The following CLDN19 variants were observed in gnomAD, a reference collection of about 807,000 sequenced individuals.
CLDN19 encodes claudin-19.
Under a neutral mutation model 24.5 loss-of-function variants are expected in CLDN19, and 19 were observed. The ratio of observed to expected loss-of-function variants is 0.78; its 90% CI spans 0.54 to 1.14. The LOEUF (loss-of-function observed/expected upper bound fraction) is 1.14, where lower values mean the gene tolerates loss of function less well. Ranked by LOEUF, CLDN19 falls within the 50% of genes most tolerant of loss-of-function variation. CLDN19 has a pLI of 0.00. For missense variants in CLDN19, 250 were observed against 295.9 expected, an observed-to-expected ratio of 0.84 and a Z score of 1.14; for synonymous variants, 117 against 129.6, an observed-to-expected ratio of 0.90 and a Z score of 0.66.
chr1:42,735,314 G>A (rs1570441948), intron 4 of CLDN19, 180 bp from the exon 5 acceptor site: 2 of 1,485,844 alleles, frequency 1.3e-6, no homozygotes, highest in East Asian at 5.0e-5. Flanking sequence ...CTCACCATCT[G>A]TGTAGGTGGC....
intron 4 of CLDN19, chr1:42,735,364 C>T: frequency 6.9e-7 from 1 of 1,441,208 alleles, no homozygotes. Flanking sequence ...GAGACCTAAA[C>T]TCAGACCCTC....
chr1:42,737,785 C>T (rs1424616810), intron 3 of CLDN19, among the ~76,000 whole-genome samples: 1 of 152,216 alleles, frequency 6.6e-6, no homozygotes, highest in Non-Finnish European at 1.5e-5. Flanking sequence ...CGGGTTCAAG[C>T]TATTCTCCTG....
intron 1 of CLDN19, among the ~76,000 whole-genome samples, 163 bp from the exon 2 acceptor site, chr1:42,738,748 C>A (rs1363091472): frequency 1.3e-5 from 2 of 151,938 alleles, no homozygotes; most frequent in African/African-American, 4.8e-5. Context: ...GAGTGACAGC[C>A]CGGGCATGAG....
intron 1 of CLDN19, among the ~76,000 whole-genome samples, chr1:42,739,191 C>T (rs926218485): frequency 2.0e-5 from 3 of 152,272 alleles, no homozygotes; most frequent in East Asian, 1.9e-4. Flanking sequence ...GGTTGAAGGC[C>T]GCTCTGCTCC....
Position 42,740,208 on chromosome 1 carries a change from G to A in CLDN19, c.-145C>T, listed in dbSNP as rs1057515569. Reference sequence around the variant, plus strand: ...TCAGAGGCAGAGAAGGAGAGGTGGTGCGGCGGCAGCGGCTGGAGCAAAGGC... The same window carrying A: ...TCAGAGGCAGAGAAGGAGAGGTGGTACGGCGGCAGCGGCTGGAGCAAAGGC... On this transcript the variant is annotated 5_prime_UTR_variant, in exon 1 of 5. Coordinates refer to ENST00000296387, the MANE Select transcript of CLDN19 (RefSeq NM_148960.3). 1.4e-6 allele frequency: 1 copy of A among 696,554 alleles called. No individual in the cohort carries two copies. Among genetic ancestry groups the A allele is most frequent in the African/African-American group, 1.8e-5 (1 of 57,012 alleles). The allele number at this position is 696,554 out of a possible 1,614,324, so 43.1% of individuals were successfully genotyped here. A position where few individuals can be genotyped will look rare whatever the true frequency, so the allele number is the denominator to read the frequency against.
chr1:42,738,101 C>A, intron 3 of CLDN19, 128 bp downstream of exon 3: 1 of 849,996 alleles, frequency 1.2e-6, no homozygotes, highest in Non-Finnish European at 2.0e-6. Context: ...CTCCTCCTGG[C>A]GCCCCCCTTT....
chr1:42,733,982 G>GAGGCC lies in CLDN19; in HGVS notation c.*1099_*1103dup, dbSNP rs1651269933. 6.6e-6 allele frequency: 1 copy of GAGGCC among 152,584 alleles called. No homozygotes were observed. Among genetic ancestry groups the GAGGCC allele is most frequent in the African/African-American group, 2.4e-5 (1 of 41,462 alleles). The allele number at this position is 152,584 out of a possible 1,614,324, so 9.5% of individuals were successfully genotyped here. A position where few individuals can be genotyped will look rare whatever the true frequency, so the allele number is the denominator to read the frequency against. On this transcript the variant is annotated 3_prime_UTR_variant, in exon 5 of 5. Transcript: ENST00000296387. ...TGTGGTCACAAGGCAGGTGGTGGAG[G>GAGGCC]AGGCCAGAATGGAGCTGGCCAAGGA...
chr1:42,735,600 G>A, intron 4 of CLDN19: 1 of 1,425,430 alleles, frequency 7.0e-7, no homozygotes, highest in Non-Finnish European at 9.1e-7. Flanking sequence ...TGTCTCCAGG[G>A]ATGCATGCTG....
rs754126679 is a variant in CLDN19, at chr1:42,739,830, C to T, written c.223+11G>A. The T allele has an allele frequency of 1.2e-6, 2 of 1,611,790 alleles. No homozygotes were observed. The highest frequency in any genetic ancestry group is 1.1e-5 in the South Asian group (1 of 90,840). On this transcript the variant is annotated intron_variant, in intron 1 of 4. Coordinates refer to ENST00000296387, the MANE Select transcript of CLDN19 (RefSeq NM_148960.3). ...ACCTCCCATCTCCCACCCCGCCGGCCTGGGGCCTACCGTCCAGGGCGAGCA... is the reference window on the plus strand; with the variant it reads ...ACCTCCCATCTCCCACCCCGCCGGCTTGGGGCCTACCGTCCAGGGCGAGCA...
intron 2 of CLDN19, 45 bp downstream of exon 2, chr1:42,738,376 G>T (rs769530529): frequency 6.2e-7 from 1 of 1,613,570 alleles, no homozygotes; most frequent in Non-Finnish European, 8.5e-7. Flanking sequence ...TGGGGCTGGG[G>T]CTGCCTGCCA....
chr1:42,736,165 T>TA (rs1478740424), intron 3 of CLDN19, 135 bp from the exon 4 acceptor site: 2 of 629,454 alleles, frequency 3.2e-6, no homozygotes, highest in East Asian at 5.5e-5. Flanking sequence ...TATCTCCAGA[T>TA]AAATTGAGGT....
rs966138586 is a variant in CLDN19, at chr1:42,734,081, G to A, written c.*1005C>T. The A allele has an allele frequency of 3.3e-5, 5 of 152,632 alleles. No homozygotes were observed. Among genetic ancestry groups the A allele is most frequent in the African/African-American group, 1.2e-4 (5 of 41,454 alleles). 9.5% of individuals were successfully genotyped at this position (152,632 alleles called of 1,614,324 possible). On this transcript the variant is annotated 3_prime_UTR_variant, in exon 5 of 5. Coordinates refer to ENST00000296387, the MANE Select transcript of CLDN19 (RefSeq NM_148960.3). ...AAGCCTGATACGCAGTGGCCAGGGA[G>A]ACTGAGTCCCGGGAGAGGGTTTGGG...
intron 3 of CLDN19, among the ~76,000 whole-genome samples, chr1:42,737,105 G>A (rs1312538408): frequency 6.6e-6 from 1 of 152,214 alleles, no homozygotes; most frequent in Non-Finnish European, 1.5e-5. Flanking sequence ...TCTGCTCCTG[G>A]CTAGGCTGAG....
intron 4 of CLDN19, chr1:42,735,650 T>G (rs1169882297): frequency 7.0e-7 from 1 of 1,433,856 alleles, no homozygotes; most frequent in African/African-American, 1.4e-5. Context: ...TGCCTGGACC[T>G]GCATCTGTGT....
intron 4 of CLDN19, 146 bp from the exon 5 acceptor site, chr1:42,735,280 G>A: frequency 6.5e-7 from 1 of 1,529,622 alleles, no homozygotes; most frequent in South Asian, 1.2e-5. Flanking sequence ...CCCATTCCCG[G>A]GGGCAGGGGC....
chr1:42,736,093 G>T (rs1284132824), intron 3 of CLDN19, 63 bp from the exon 4 acceptor site: 6 of 1,129,822 alleles, frequency 5.3e-6, no homozygotes, highest in Non-Finnish European at 7.8e-6. Flanking sequence ...CCCAGTCCCT[G>T]CCCTGGCAGA....
chr1:42,740,125 C>A lies in CLDN19; in HGVS notation c.-62G>T. The A allele has an allele frequency of 7.4e-7, 1 of 1,344,180 alleles. No homozygotes were observed. The highest frequency in any genetic ancestry group is 1.3e-5 in the South Asian group (1 of 79,968). 83.3% of individuals were successfully genotyped at this position (1,344,180 alleles called of 1,614,324 possible). Reference sequence around the variant, plus strand: ...AGCTGGGCCAGGGTGCCAGCAGGGGCTTTGGTCATGGCCAGGTGGGAGGAG... The same window carrying A: ...AGCTGGGCCAGGGTGCCAGCAGGGGATTTGGTCATGGCCAGGTGGGAGGAG... On this transcript the variant is annotated 5_prime_UTR_variant, in exon 1 of 5. Coordinates refer to ENST00000296387, the MANE Select transcript of CLDN19 (RefSeq NM_148960.3).
Position 42,739,993 on chromosome 1 carries a change from C to G in CLDN19, c.71G>C (p.Ser24Thr), listed in dbSNP as rs1057515456. ...CTGCTTCCACTGTGGCAGGGCTGTG[C>G]TAGCAATGATGCCCACCCAGCCACC... Reference protein sequence around the residue: ...ALGGWVGIIASTALPQWKQSS... With the variant: ...ALGGWVGIIATTALPQWKQSS... The change falls in exon 1 of 5, where the codon AGC becomes ACC. Residue 24 changes from serine to threonine, a missense_variant. Ser to Thr is a moderately conservative substitution (Grantham distance 58). Transcript: ENST00000296387. The G allele has an allele frequency of 6.3e-7, 1 of 1,585,614 alleles. No homozygotes were observed. Among genetic ancestry groups the G allele is most frequent in the East Asian group, 2.3e-5 (1 of 43,258 alleles).
At chr1:42,735,502 G>A in intron 4 of CLDN19, 1 of 1,413,688 alleles carries the variant, frequency 7.1e-7, no homozygotes, top group Admixed American at 2.9e-5. Flanking sequence ...GTACGTCTTG[G>A]CCACTGCTCT....
Sources: gnomAD v4.1 joint callset for allele counts (sites outside exome capture counted in the v4.1 genomes callset) on GRCh38, gnomAD v4.1.1 for gene constraint, MANE v1.5 for transcripts, NCBI Gene and HGNC (gene_info 2026-07-23, HGNC 2026-07-21) for gene names.